ABCC5: variants seen among roughly 807,000 people sequenced by gnomAD.
ABCC5 encodes the protein ATP-binding cassette sub-family C member 5.
A neutral mutation model predicts 160.9 loss-of-function variants in ABCC5; 61 were observed. That is an observed-to-expected ratio of 0.38 (90% CI 0.31 to 0.47). ABCC5 has a LOEUF of 0.47. Ranked by LOEUF, ABCC5 falls within the 20% of genes least tolerant of loss-of-function variation. The pLI, the probability that ABCC5 is intolerant of heterozygous loss-of-function variation, is 0.99. For synonymous variants in ABCC5, 666 were observed against 700.6 expected (o/e 0.95, Z 0.78); for missense variants, 1,308 against 1,813.3 (o/e 0.72, Z 5.06).
At chr3:183,967,109 C>T (rs1717291901) in intron 12 of ABCC5, among the ~76,000 whole-genome samples, 1 of 151,766 alleles carries the variant, frequency 6.6e-6, no homozygotes, top group African/African-American at 2.4e-5. Context: ...ACTCTCAGCA[C>T]TGGCCACCGT....
At chr3:183,956,599 C>G (rs1477190574) in intron 17 of ABCC5, among the ~76,000 whole-genome samples, 1 of 149,322 alleles carries the variant, frequency 6.7e-6, no homozygotes, top group Non-Finnish European at 1.5e-5. Context: ...CATGCAGATC[C>G]GTGTGTATAT....
rs1712873900 is a variant in ABCC5 at position 183,928,837 on chromosome 3, C to G, written c.3855-12G>C. 3 of 1,612,920 alleles carry G rather than the reference C, an allele frequency of 1.9e-6. No homozygotes were observed. In the East Asian group the frequency reaches 6.7e-5, roughly 36 times the overall value. Reference sequence around the variant, plus strand: ...GGTCCAAATTTGATCTAGGGAGAAACACAGGAATTTCTCAGTGGTCCCACC... The same window carrying G: ...GGTCCAAATTTGATCTAGGGAGAAAGACAGGAATTTCTCAGTGGTCCCACC... On this transcript the variant is annotated splice_polypyrimidine_tract_variant and intron_variant, in intron 26 of 29. Transcript: ENST00000334444.
intron 29 of ABCC5, 80 bp downstream of exon 29, chr3:183,925,475 A>G: frequency 6.7e-7 from 1 of 1,482,476 alleles, no homozygotes; most frequent in Non-Finnish European, 9.2e-7. Flanking sequence ...AACCCTACAA[A>G]GATGGCAATC....
chr3:183,931,880 C>T (rs1057068881), intron 26 of ABCC5, among the ~76,000 whole-genome samples: 1 of 152,220 alleles, frequency 6.6e-6, no homozygotes, highest in Non-Finnish European at 1.5e-5. Flanking sequence ...TATGCATCCA[C>T]TTAATCAAAA....
chr3:183,987,958 G>A lies in ABCC5; in HGVS notation c.444-41C>T, dbSNP rs1340167334. ...CGTCCTCGTTACACATCTCCTCGGGGGAAAGGCACACCTAGCTCCCCGCCT... is the reference window on the plus strand; with the variant it reads ...CGTCCTCGTTACACATCTCCTCGGGAGAAAGGCACACCTAGCTCCCCGCCT... On this transcript the variant is annotated intron_variant, in intron 4 of 29. Transcript: ENST00000334444. This position sits in a 1 kb window ranked among gnomAD's most constrained non-coding sequence, Gnocchi z 4.2. The A allele has an allele frequency of 6.2e-7, 1 of 1,602,814 alleles. No homozygotes were observed. The highest frequency in any genetic ancestry group is 1.1e-5 in the South Asian group (1 of 90,528).
intron 8 of ABCC5, among the ~76,000 whole-genome samples, chr3:183,980,692 G>T (rs1484919637): frequency 6.6e-6 from 1 of 150,876 alleles, no homozygotes; most frequent in Non-Finnish European, 1.5e-5. Context: ...AACAACAGCT[G>T]CCTTGCTCTG....
intron 11 of ABCC5, among the ~76,000 whole-genome samples, chr3:183,969,009 A>C (rs1269170923): frequency 1.3e-5 from 2 of 152,248 alleles, no homozygotes; most frequent in Non-Finnish European, 2.9e-5. Context: ...GCCTGGTGGC[A>C]ACAAGGAGGT....
chr3:183,965,450 C>T lies in ABCC5; in HGVS notation c.1885G>A (p.Ala629Thr), dbSNP rs1477786965. 5 of 1,613,802 alleles carry T rather than the reference C, an allele frequency of 3.1e-6. No individual in the cohort carries two copies. The highest frequency in any genetic ancestry group is 4.2e-6 in the Non-Finnish European group (5 of 1,180,020). Residue 629 changes from alanine (A) to threonine (T), a missense_variant, in exon 13 of 30, where the codon GCC becomes ACC. This residue lies in a region of ABCC5 where 1,142 missense variants were observed against 1,527.1 expected (regional missense o/e 0.75). Transcript: ENST00000334444. ...GCATTGAGGATCCAGGCCTGCTGGG[C>T]CACATAAGCGAAGGTTCCACTGATT... Reference protein sequence around the residue: ...IAISGTFAYVAQQAWILNATL... With the variant: ...IAISGTFAYVTQQAWILNATL...
chr3:183,930,345 C>T lies in ABCC5; in HGVS notation c.3855-1520G>A, dbSNP rs149541179. 2.3e-3 allele frequency among the ~76,000 whole-genome samples: 353 copies of T among 152,354 alleles called. 1 individual carries two copies. The highest frequency in any genetic ancestry group is 2.6e-3 in the Non-Finnish European group (179 of 68,038). On this transcript the variant is annotated intron_variant, in intron 26 of 29. Coordinates refer to ENST00000334444, the MANE Select transcript of ABCC5 (RefSeq NM_005688.4). ...CGCCTTGCTCTCCAGCGCCTCTTGC[C>T]CTTTGCACGGCGTTTTTCCCGCTTG...
intron 17 of ABCC5, among the ~76,000 whole-genome samples, chr3:183,958,515 T>C (rs1360179169): frequency 1.3e-5 from 2 of 152,160 alleles, no homozygotes; most frequent in African/African-American, 4.8e-5. Flanking sequence ...GGTGTGTCAA[T>C]AAGGTATCAT....
chr3:183,991,155 G>A (rs1208188265), intron 2 of ABCC5, among the ~76,000 whole-genome samples: 1 of 151,926 alleles, frequency 6.6e-6, no homozygotes, highest in African/African-American at 2.4e-5. Flanking sequence ...AAATCAGCCA[G>A]GCATGGTGAT....
chr3:183,967,638 C>T, intron 12 of ABCC5, 57 bp downstream of exon 12: 1 of 1,492,830 alleles, frequency 6.7e-7, no homozygotes, highest in Non-Finnish European at 9.3e-7. Context: ...TTCGTTTTTC[C>T]TGAGACTCTT....
Position 183,987,929 on chromosome 3 carries a change from C to T in ABCC5, c.444-12G>A, listed in dbSNP as rs1719374213. 6.2e-7 allele frequency: 1 copy of T among 1,612,676 alleles called. No individual in the cohort carries two copies. Among genetic ancestry groups the T allele is most frequent in the Admixed American group, 1.7e-5 (1 of 59,988 alleles). On this transcript the variant is annotated splice_polypyrimidine_tract_variant and intron_variant, in intron 4 of 29. Coordinates refer to ENST00000334444, the MANE Select transcript of ABCC5 (RefSeq NM_005688.4). This position sits in a 1 kb window ranked among gnomAD's most constrained non-coding sequence, Gnocchi z 4.2. ...ACAGTCTCTCTAGTCTTAACAAGGG[C>T]ACACGTCCTCGTTACACATCTCCTC...
chr3:183,940,463 A>G (rs1330850227), intron 25 of ABCC5, among the ~76,000 whole-genome samples: 1 of 36,632 alleles, frequency 2.7e-5, no homozygotes, highest in East Asian at 1.9e-3. Flanking sequence ...CTGTCTCAGG[A>G]AAAAAAAAAA....
rs758714699 is a variant in ABCC5 at position 183,921,407 on chromosome 3, AAAG to A, written c.4213-9_4213-7del. 1.2e-4 allele frequency: 192 copies of A among 1,611,646 alleles called. 1 individual carries two copies. Among genetic ancestry groups the A allele is most frequent in the Non-Finnish European group, 1.5e-4 (181 of 1,179,044 alleles). On this transcript the variant is annotated splice_polypyrimidine_tract_variant and splice_region_variant and intron_variant, in intron 29 of 29. Coordinates refer to ENST00000334444, the MANE Select transcript of ABCC5 (RefSeq NM_005688.4). This position sits in a 1 kb window ranked among gnomAD's most constrained non-coding sequence, Gnocchi z 4.1. ...GGGGTGTCAAACTCCACCACCTGCAAAAGAAGGAGACGCCGTCAGGACACAGCT... is the reference window on the plus strand; with the variant it reads ...GGGGTGTCAAACTCCACCACCTGCAAAAGGAGACGCCGTCAGGACACAGCT...
rs765024697 is a variant in ABCC5, at chr3:183,942,811, C to T, written c.3610G>A (p.Glu1204Lys). Residue 1204 changes from glutamate to lysine, a missense_variant, in exon 25 of 30, where the codon GAA becomes AAA. By Grantham distance (56) the Glu-to-Lys change is moderately conservative. Transcript: ENST00000334444. ...TTCTTTAGGACGAGAGGGAGGTTTT[C>T]TCGGTACCTCATCTCTGCGTTCTCA... ...TFENAEMRYR[E>K]NLPLVLKKVS... 3 of 1,614,008 alleles carry T rather than the reference C, an allele frequency of 1.9e-6. No individual in the cohort carries two copies.
chr3:183,964,922 A>G lies in ABCC5; in HGVS notation c.2031+263T>C, dbSNP rs146441713. 1.2e-4 allele frequency among the ~76,000 whole-genome samples: 18 copies of G among 152,374 alleles called. No individual in the cohort carries two copies. The East Asian group carries it at 3.5e-3, about 29-fold the overall frequency. On this transcript the variant is annotated intron_variant, in intron 14 of 29. Coordinates refer to ENST00000334444, the MANE Select transcript of ABCC5 (RefSeq NM_005688.4). ...TACTTGTAGTTTTAAAAATATCTGG[A>G]TAGAATAAAAAACATCAACTCTGAG...
intron 11 of ABCC5, 24 bp downstream of exon 11, chr3:183,971,539 G>A: frequency 6.2e-7 from 1 of 1,602,054 alleles, no homozygotes; most frequent in Non-Finnish European, 8.5e-7. Context: ...GTGCGGGCAG[G>A]GAGGCAGGGG....
rs1167784993 is a variant in ABCC5 at position 183,920,118 on chromosome 3, C to G, written c.*1182G>C. On this transcript the variant is annotated 3_prime_UTR_variant, in exon 30 of 30. Transcript: ENST00000334444. This position sits in a 1 kb window ranked among gnomAD's most constrained non-coding sequence, Gnocchi z 4.1. ...AGCCCCACAGCACAAAGGGGGTTTG[C>G]GGGAACACACCAAACCACACAGCAA... is the stretch of plus-strand genomic sequence containing the variant. The G allele has an allele frequency of 1.3e-5, 2 of 152,666 alleles. No homozygotes were observed. Among genetic ancestry groups the G allele is most frequent in the Non-Finnish European group, 2.9e-5 (2 of 68,122 alleles). 9.5% of individuals were successfully genotyped at this position (152,666 alleles called of 1,614,324 possible).
Sources: gnomAD v4.1 joint callset for allele counts (sites outside exome capture counted in the v4.1 genomes callset) on GRCh38, gnomAD v4.1.1 for gene constraint, gnomAD v4.1.1 regional missense constraint, Gnocchi (gnomAD v3.1) non-coding constraint, MANE v1.5 for transcripts, NCBI Gene and HGNC (gene_info 2026-07-23, HGNC 2026-07-21) for gene names.